The following TMEM87B variants were observed in gnomAD, a reference collection of about 807,000 sequenced individuals.
TMEM87B encodes the protein transmembrane protein 87B.
A neutral mutation model predicts 80.3 loss-of-function variants in TMEM87B; 83 were observed. The observed-to-expected ratio is 1.03, with a 90% CI of 0.87 to 1.24. The LOEUF is 1.24. Among genes scored for constraint, TMEM87B ranks in the 50% most tolerant of loss-of-function variants. The pLI is 0.00. For missense variants in TMEM87B, 625 were observed against 674.4 expected (o/e 0.93, Z 0.81); for synonymous variants, 219 against 230.5 (o/e 0.95, Z 0.45).
At chr2:112,083,076 G>C (rs1257488315) in intron 8 of TMEM87B, among the ~76,000 whole-genome samples, 2 of 152,238 alleles carry the variant, frequency 1.3e-5, no homozygotes, top group Non-Finnish European at 2.9e-5. Flanking sequence ...CATTGATCTT[G>C]AAGCATCAAA....
rs1359985367 is a variant in TMEM87B, at chr2:112,081,422, A to G, written c.742A>G (p.Ile248Val). Residue 248 changes from isoleucine to valine, a missense_variant, in exon 8 of 19, where the codon ATC (isoleucine) becomes GTC (valine). Coordinates refer to ENST00000283206, the MANE Select transcript of TMEM87B (RefSeq NM_032824.3). Reference protein sequence around the residue: ...SACYWKDILRIQFWIAAVIFL... With the variant: ...SACYWKDILRVQFWIAAVIFL... ...CTGTTATTGGAAAGATATATTAAGA[A>G]TCCAGTTCTGGATTGCAGCTGTTAT... 7 of 1,613,916 alleles carry G rather than the reference A, an allele frequency of 4.3e-6. No homozygotes were observed. Among genetic ancestry groups the G allele is most frequent in the Middle Eastern group, 3.3e-4 (2 of 6,056 alleles).
chr2:112,064,292 G>A (rs1558828658), intron 3 of TMEM87B, 39 bp downstream of exon 3: 1 of 1,554,000 alleles, frequency 6.4e-7, no homozygotes, highest in Non-Finnish European at 8.9e-7. Context: ...ATAAAGCTAT[G>A]AAGGAAAATT....
chr2:112,056,726 A>G (rs1678080310), intron 1 of TMEM87B, among the ~76,000 whole-genome samples: 1 of 152,232 alleles, frequency 6.6e-6, no homozygotes, highest in Non-Finnish European at 1.5e-5. Flanking sequence ...CCACAACACA[A>G]AAGCTACTCA....
At chr2:112,109,304 C>A (rs1489500639) in intron 17 of TMEM87B, among the ~76,000 whole-genome samples, 1 of 152,102 alleles carries the variant, frequency 6.6e-6, no homozygotes, top group African/African-American at 2.4e-5. Flanking sequence ...ACTTTTTCTT[C>A]TTTCTTTCCT....
intron 10 of TMEM87B, among the ~76,000 whole-genome samples, chr2:112,090,783 A>T (rs1281365250): frequency 6.6e-6 from 1 of 152,162 alleles, no homozygotes; most frequent in Non-Finnish European, 1.5e-5. Context: ...GAAGCTTATT[A>T]TATCTTACCT....
At chr2:112,083,821 A>G (rs1679068550) in intron 8 of TMEM87B, among the ~76,000 whole-genome samples, 1 of 152,148 alleles carries the variant, frequency 6.6e-6, no homozygotes, top group Admixed American at 6.5e-5. Context: ...TGTAGACAGC[A>G]TTCTCTTAAA....
chr2:112,063,074 G>A (rs1359190431), intron 2 of TMEM87B, among the ~76,000 whole-genome samples: 5 of 152,060 alleles, frequency 3.3e-5, no homozygotes, highest in East Asian at 3.9e-4. Context: ...GTTTGGTTTC[G>A]CTCTTTGTCA....
rs1680065156 is a variant in TMEM87B at position 112,117,809 on chromosome 2, C to G, written c.*1666C>G. Reference sequence around the variant, plus strand: ...CCAGTAACATTTTTATCTAATACCCCATTCCCCAAGTTTTGAGACAGATTG... The same window carrying G: ...CCAGTAACATTTTTATCTAATACCCGATTCCCCAAGTTTTGAGACAGATTG... On this transcript the variant is annotated 3_prime_UTR_variant, in exon 19 of 19. Transcript: ENST00000283206. 1 of 152,120 alleles carries G rather than the reference C, an allele frequency of 6.6e-6. No homozygotes were observed. Among genetic ancestry groups the G allele is most frequent in the South Asian group, 2.1e-4 (1 of 4,830 alleles). The allele number at this position is 152,120 out of a possible 1,614,324, so 9.4% of individuals were successfully genotyped here.
intron 8 of TMEM87B, 26 bp from the exon 9 acceptor site, chr2:112,085,979 A>T: frequency 6.2e-7 from 1 of 1,600,564 alleles, no homozygotes; most frequent in Non-Finnish European, 8.5e-7. Context: ...AGACAAAGTG[A>T]ATTATTTTAT....
At chr2:112,100,332 A>G (rs1288027445) in intron 14 of TMEM87B, among the ~76,000 whole-genome samples, 1 of 152,222 alleles carries the variant, frequency 6.6e-6, no homozygotes, top group Non-Finnish European at 1.5e-5. Context: ...CCTGACATGG[A>G]GAAAGAAACA....
chr2:112,109,458 G>T (rs546851303), intron 17 of TMEM87B, among the ~76,000 whole-genome samples: 6 of 151,968 alleles, frequency 3.9e-5, no homozygotes, highest in Admixed American at 6.6e-5. Context: ...AGTTTTGCTG[G>T]ATATAGAAAT....
At chr2:112,076,231 G>A (rs1330536653) in intron 5 of TMEM87B, among the ~76,000 whole-genome samples, 6 of 152,114 alleles carry the variant, frequency 3.9e-5, no homozygotes, top group Non-Finnish European at 4.4e-5. Flanking sequence ...CAGCCTGGGT[G>A]ACAGAGCGAG....
intron 17 of TMEM87B, among the ~76,000 whole-genome samples, chr2:112,108,546 T>G (rs1679833556): frequency 6.6e-6 from 1 of 152,214 alleles, no homozygotes; most frequent in Non-Finnish European, 1.5e-5. Context: ...GGGAATAGAA[T>G]TCTTTGTTGA....
rs1267918607 is a variant in TMEM87B at position 112,066,933 on chromosome 2, T to C, written c.319-3T>C. The C allele has an allele frequency of 3.8e-6, 6 of 1,593,326 alleles. No homozygotes were observed. Among genetic ancestry groups the C allele is most frequent in the Non-Finnish European group, 5.1e-6 (6 of 1,172,892 alleles). Reference sequence around the variant, plus strand: ...TTATAACATAGAATTTTACCTTATATAGGAGCTGTTCCAAAAACATAAACT... The same window carrying C: ...TTATAACATAGAATTTTACCTTATACAGGAGCTGTTCCAAAAACATAAACT... On this transcript the variant is annotated splice_polypyrimidine_tract_variant and splice_region_variant and intron_variant, in intron 3 of 18. Coordinates refer to ENST00000283206, the MANE Select transcript of TMEM87B (RefSeq NM_032824.3).
chr2:112,094,684 A>T (rs1292834144), intron 11 of TMEM87B, among the ~76,000 whole-genome samples: 1 of 152,190 alleles, frequency 6.6e-6, no homozygotes, highest in East Asian at 1.9e-4. Context: ...TGAAAGACTT[A>T]GTTTGCTTAA....
chr2:112,112,832 C>A, intron 17 of TMEM87B, 67 bp from the exon 18 acceptor site: 1 of 1,481,358 alleles, frequency 6.8e-7, no homozygotes, highest in Non-Finnish European at 9.4e-7. Context: ...TGCCTGTATT[C>A]GGCTTTCGTG....
intron 12 of TMEM87B, 27 bp from the exon 13 acceptor site, chr2:112,097,206 T>C: frequency 6.2e-7 from 1 of 1,605,548 alleles, no homozygotes. Context: ...TTATATTCCT[T>C]CAAAGGTGAC....
Position 112,081,461 on chromosome 2 carries a change from C to G in TMEM87B, c.781C>G (p.Leu261Val). 1 of 1,612,862 alleles carries G rather than the reference C, an allele frequency of 6.2e-7. No individual in the cohort carries two copies. Among genetic ancestry groups the G allele is most frequent in the African/African-American group, 1.3e-5 (1 of 74,942 alleles). Reference protein sequence around the residue: ...WIAAVIFLGMLEKAVFYSEYQ... With the variant: ...WIAAVIFLGMVEKAVFYSEYQ... The stretch of plus-strand genomic sequence containing the variant: ...TGCAGCTGTTATTTTTTTGGGAATG[C>G]TTGAAAAAGCAGTTTTTTATAGTGA... Residue 261 changes from leucine (L) to valine (V), a missense_variant, in exon 8 of 19, where the codon CTT becomes GTT. By Grantham distance (32) the Leu-to-Val change is conservative (BLOSUM62 1). Coordinates refer to ENST00000283206, the MANE Select transcript of TMEM87B (RefSeq NM_032824.3).
At chr2:112,077,454 A>G (rs1573697996) in intron 6 of TMEM87B, among the ~76,000 whole-genome samples, 172 bp downstream of exon 6, 1 of 152,222 alleles carries the variant, frequency 6.6e-6, no homozygotes, top group East Asian at 1.9e-4. Context: ...TCTTATTGCT[A>G]CTATTTATTT....
Sources: allele counts gnomAD v4.1 joint callset (sites outside exome capture counted in the v4.1 genomes callset), GRCh38; gene constraint gnomAD v4.1.1; transcripts MANE v1.5; gene names NCBI Gene and HGNC (gene_info 2026-07-23, HGNC 2026-07-21).